Variants in ATRNL1 observed in about 807,000 individuals in gnomAD.
ATRNL1 encodes attractin-like protein 1.
Under a neutral mutation model 182.7 loss-of-function variants are expected in ATRNL1, and 95 were observed. The ratio of observed to expected loss-of-function variants is 0.52; its 90% CI spans 0.44 to 0.62. ATRNL1 has a LOEUF of 0.62. Among genes scored for constraint, ATRNL1 ranks in the 20% least tolerant of loss-of-function variants. The probability of loss-of-function intolerance (pLI) is 0.00; values close to 1 mark genes in which losing one functional copy is unlikely to be tolerated. For synonymous variants in ATRNL1, 576 were observed against 568.3 expected (o/e 1.01, Z -0.19); for missense variants, 1,471 against 1,679.5 (o/e 0.88, Z 2.17).
At chr10:115,880,642 G>T (rs1442526295) in intron 28 of ATRNL1, among the ~76,000 whole-genome samples, 3 of 152,066 alleles carry the variant, frequency 2.0e-5, no homozygotes, top group African/African-American at 7.2e-5. Flanking sequence ...AAACAAAAAA[G>T]AAAGGGAGTG....
At chr10:115,406,205 C>G in intron 20 of ATRNL1, among the ~76,000 whole-genome samples, 1 of 152,134 alleles carries the variant, frequency 6.6e-6, no homozygotes, top group South Asian at 2.1e-4. Flanking sequence ...TGGGTATATA[C>G]CCAGTAATGG....
chr10:115,598,446 C>T (rs1225168198), intron 26 of ATRNL1, among the ~76,000 whole-genome samples: 1 of 151,160 alleles, frequency 6.6e-6, no homozygotes, highest in Non-Finnish European at 1.5e-5. Context: ...TCACTGCAAC[C>T]TCCGCCTCCC....
chr10:115,621,254 A>G (rs1002838117), intron 26 of ATRNL1, among the ~76,000 whole-genome samples: 1 of 71,306 alleles, frequency 1.4e-5, no homozygotes, highest in Non-Finnish European at 2.3e-5. Context: ...TTGAGCTCTG[A>G]ATATATATAT....
rs782527854 is a variant in ATRNL1 at position 115,171,213 on chromosome 10, T to C, written c.1269T>C (p.Ser423=). The part of the protein sequence containing the change: ...GHSAHIMELD[S]RDVVMIIIFG... Reference sequence around the variant, plus strand: ...CAGCACATATTATGGAGTTGGATAGTAGAGATGTTGTCATGATCATAATAT... The same window carrying C: ...CAGCACATATTATGGAGTTGGATAGCAGAGATGTTGTCATGATCATAATAT... The change falls in exon 8 of 29, where the codon AGT becomes AGC. Residue 423 remains serine, a synonymous_variant. Transcript: ENST00000355044. The C allele has an allele frequency of 3.7e-6, 6 of 1,610,738 alleles. No individual in the cohort carries two copies. Among genetic ancestry groups the C allele is most frequent in the Non-Finnish European group, 5.1e-6 (6 of 1,177,802 alleles).
intron 8 of ATRNL1, among the ~76,000 whole-genome samples, chr10:115,205,418 T>C (rs1338354846): frequency 2.0e-5 from 3 of 152,002 alleles, no homozygotes; most frequent in Non-Finnish European, 4.4e-5. Flanking sequence ...TATTAGTTTC[T>C]TTTTCCTCTT....
chr10:115,144,974 G>A (rs924999750), intron 5 of ATRNL1, among the ~76,000 whole-genome samples: 2 of 152,026 alleles, frequency 1.3e-5, no homozygotes, highest in Non-Finnish European at 2.9e-5. Flanking sequence ...TATTCTGTGA[G>A]CATTATACAT....
At chr10:115,755,810 T>C (rs1948574000) in intron 27 of ATRNL1, among the ~76,000 whole-genome samples, 1 of 152,172 alleles carries the variant, frequency 6.6e-6, no homozygotes, top group South Asian at 2.1e-4. Context: ...GGACGTTTTT[T>C]GGTTGGTAGG....
intron 18 of ATRNL1, among the ~76,000 whole-genome samples, chr10:115,318,871 T>C (rs1340795749): frequency 6.6e-6 from 1 of 151,922 alleles, no homozygotes; most frequent in East Asian, 1.9e-4. Flanking sequence ...TTTTGGAGGG[T>C]TTTTCATGTC....
chr10:115,169,774 G>A (rs1847212244), intron 7 of ATRNL1, among the ~76,000 whole-genome samples: 2 of 151,994 alleles, frequency 1.3e-5, no homozygotes, highest in African/African-American at 4.8e-5. Flanking sequence ...TCATAAACAT[G>A]GGATGTCTTT....
At chr10:115,233,066 T>G (rs1410224964) in intron 9 of ATRNL1, among the ~76,000 whole-genome samples, 1 of 152,054 alleles carries the variant, frequency 6.6e-6, no homozygotes, top group Non-Finnish European at 1.5e-5. Context: ...ACTTTGATTG[T>G]AGCTGCATTA....
At chr10:115,491,065 G>A (rs1213326842) in intron 24 of ATRNL1, among the ~76,000 whole-genome samples, 1 of 152,176 alleles carries the variant, frequency 6.6e-6, no homozygotes, top group Non-Finnish European at 1.5e-5. Context: ...AGCGGAGCCA[G>A]CAAAACAGCA....
chr10:115,583,365 A>C (rs1555008466), intron 26 of ATRNL1, among the ~76,000 whole-genome samples: 1 of 109,242 alleles, frequency 9.2e-6, no homozygotes, highest in Non-Finnish European at 2.0e-5. Flanking sequence ...CACGATATTG[A>C]TTCTTCCTAC....
At chr10:115,941,850 T>C (rs1555124365) in intron 28 of ATRNL1, among the ~76,000 whole-genome samples, 1 of 152,202 alleles carries the variant, frequency 6.6e-6, no homozygotes, top group East Asian at 1.9e-4. Context: ...GAAATAATTA[T>C]TTACTACTGC....
chr10:115,492,030 G>A (rs114098639), intron 24 of ATRNL1, among the ~76,000 whole-genome samples: 4,821 of 152,202 alleles, frequency 0.032, 247 homozygotes, highest in African/African-American at 0.11. Context: ...CAGGTAAGGC[G>A]ATGCCCTATC....
At chr10:115,243,136 A>G (rs1366647825) in intron 10 of ATRNL1, among the ~76,000 whole-genome samples, 1 of 152,106 alleles carries the variant, frequency 6.6e-6, no homozygotes, top group African/African-American at 2.4e-5. Flanking sequence ...ATTGTTAAAA[A>G]TCCATGAAGT....
At chr10:115,371,031 CAG>C (rs1227519378) in intron 19 of ATRNL1, among the ~76,000 whole-genome samples, 1 of 152,182 alleles carries the variant, frequency 6.6e-6, no homozygotes, top group Non-Finnish European at 1.5e-5. Flanking sequence ...GCCATGGGTT[CAG>C]AGAGTGCAAG....
chr10:115,752,077 T>A (rs1370624309), intron 27 of ATRNL1, among the ~76,000 whole-genome samples: 1 of 152,010 alleles, frequency 6.6e-6, no homozygotes, highest in Non-Finnish European at 1.5e-5. Flanking sequence ...AAGTTAGAAT[T>A]AATATGTGAA....
chr10:115,116,642 C>T (rs1844498614), intron 1 of ATRNL1, among the ~76,000 whole-genome samples: 1 of 152,020 alleles, frequency 6.6e-6, no homozygotes. Context: ...GAGAATTGTT[C>T]TTTCTTTATT....
intron 5 of ATRNL1, among the ~76,000 whole-genome samples, chr10:115,136,433 A>G (rs553262771): frequency 1.3e-5 from 2 of 152,336 alleles, no homozygotes; most frequent in South Asian, 4.1e-4. Context: ...TCATGAGCTC[A>G]CACTGACAAA....
Sources: allele counts gnomAD v4.1 joint callset (sites outside exome capture counted in the v4.1 genomes callset), GRCh38; gene constraint gnomAD v4.1.1; transcripts MANE v1.5; gene names NCBI Gene and HGNC (gene_info 2026-07-23, HGNC 2026-07-21).